Variants in MECOM observed in about 807,000 individuals in gnomAD.
MECOM encodes MDS1 and EVI1 complex locus, also known as histone-lysine N-methyltransferase MECOM.
In MECOM, 13 loss-of-function variants were observed where a neutral mutation model predicts 116.3. The ratio of observed to expected loss-of-function variants is 0.11; its 90% confidence interval spans 0.07 to 0.18. MECOM has a LOEUF of 0.18. MECOM is among the 10% of genes least tolerant of loss of function. MECOM has a pLI of 1.00. For missense variants in MECOM, 1,299 were observed against 1,509.0 expected, an observed-to-expected ratio of 0.86 and a Z score of 2.31; for synonymous variants, 528 against 535.2, an observed-to-expected ratio of 0.99 and a Z score of 0.19.
At position 169,501,119 on chromosome 3, in the gene MECOM, T is replaced by C. The variant is rs116121844; in HGVS notation, c.38-119595A>G. On this transcript the variant is annotated intron_variant, in intron 1 of 16. Coordinates refer to ENST00000651503, the MANE Select transcript of MECOM (RefSeq NM_004991.4). The stretch of plus-strand genomic sequence containing the variant: ...TACAATCAGGCCCCTCCAGATTTAA[T>C]AAAAACACTTATTTAGAAATATTAT... 8.3e-3 allele frequency among the ~76,000 whole-genome samples: 1,261 copies of C among 152,104 alleles called. 17 individuals are homozygous for C. The highest frequency in any genetic ancestry group is 0.029 in the African/African-American group (1,209 of 41,542).
intron 16 of MECOM, among the ~76,000 whole-genome samples, chr3:169,086,016 C>G (rs963676211): frequency 1.3e-5 from 2 of 152,152 alleles, no homozygotes; most frequent in African/African-American, 4.8e-5. Flanking sequence ...GACAAAATGC[C>G]TCTGTTGTTA....
intron 4 of MECOM, among the ~76,000 whole-genome samples, chr3:169,130,548 T>C (rs1427403972): frequency 8.3e-6 from 1 of 120,674 alleles, no homozygotes; most frequent in Admixed American, 1.2e-4. Flanking sequence ...AAAGGAAAAA[T>C]TGTTCAAGTA....
intron 2 of MECOM, among the ~76,000 whole-genome samples, chr3:169,238,557 A>G (rs1370495533): frequency 1.3e-5 from 2 of 152,194 alleles, no homozygotes; most frequent in Non-Finnish European, 2.9e-5. Context: ...ACCAAACCAA[A>G]AAAACCCCAC....
At chr3:169,101,572 CA>C in intron 11 of MECOM, among the ~76,000 whole-genome samples, 1 of 151,376 alleles carries the variant, frequency 6.6e-6, no homozygotes, top group South Asian at 2.1e-4. Flanking sequence ...ATTTATTTAG[CA>C]AAAAAAAATC....
intron 13 of MECOM, 131 bp from the exon 14 acceptor site, chr3:169,093,233 C>T: frequency 1.0e-6 from 1 of 952,468 alleles, no homozygotes; most frequent in Non-Finnish European, 1.5e-6. Flanking sequence ...ATAATAATAA[C>T]TTTAGAAAGT....
intron 4 of MECOM, 68 bp from the exon 5 acceptor site, chr3:169,128,128 C>T: frequency 1.5e-6 from 2 of 1,365,432 alleles, no homozygotes; most frequent in South Asian, 2.3e-5. Context: ...GCCAATCTTA[C>T]CAAATTTTAC....
At chr3:169,519,681 G>A (rs1304905514) in intron 1 of MECOM, among the ~76,000 whole-genome samples, 1 of 152,212 alleles carries the variant, frequency 6.6e-6, no homozygotes, top group Non-Finnish European at 1.5e-5. Context: ...CACTGAATCA[G>A]ATGAAACATA....
intron 2 of MECOM, among the ~76,000 whole-genome samples, chr3:169,361,470 A>T (rs999341370): frequency 6.6e-6 from 1 of 151,848 alleles, no homozygotes. Flanking sequence ...CTTTGGAAGG[A>T]TGATGGTGAT....
intron 1 of MECOM, among the ~76,000 whole-genome samples, chr3:169,433,660 A>AG (rs1742088368): frequency 7.4e-6 from 1 of 135,708 alleles, no homozygotes; most frequent in South Asian, 2.3e-4. Context: ...AAAGAAAGAA[A>AG]GAAAGAAAGA....
chr3:169,561,962 A>G (rs1029743553), intron 1 of MECOM, among the ~76,000 whole-genome samples: 3 of 151,960 alleles, frequency 2.0e-5, no homozygotes, highest in Non-Finnish European at 4.4e-5. Flanking sequence ...TCTGGCCAAC[A>G]TGGTGAAATC....
At position 169,435,031 on chromosome 3, in the gene MECOM, A is replaced by G. The variant is rs537769560; in HGVS notation, c.38-53507T>C. 5.6e-4 allele frequency among the ~76,000 whole-genome samples: 85 copies of G among 152,346 alleles called. No individual in the cohort carries two copies. The South Asian group carries it at 6.8e-3, about 12-fold the overall frequency. On this transcript the variant is annotated intron_variant, in intron 1 of 16. Coordinates refer to ENST00000651503, the MANE Select transcript of MECOM (RefSeq NM_004991.4). Reference sequence around the variant, plus strand: ...CCAAGGTTAAAACAAATAAGATGCCAAAGTTCACAATTTTAAATAAACTCA... The same window carrying G: ...CCAAGGTTAAAACAAATAAGATGCCGAAGTTCACAATTTTAAATAAACTCA...
intron 2 of MECOM, among the ~76,000 whole-genome samples, chr3:169,296,790 C>T (rs1472127855): frequency 2.6e-5 from 4 of 152,158 alleles, no homozygotes; most frequent in Admixed American, 1.3e-4. Flanking sequence ...TTCTCATACT[C>T]GTAAACATGG....
intron 1 of MECOM, among the ~76,000 whole-genome samples, chr3:169,645,072 A>G (rs1320536748): frequency 6.6e-6 from 1 of 152,208 alleles, no homozygotes; most frequent in African/African-American, 2.4e-5. Flanking sequence ...AACACAGACC[A>G]AATGTACACT....
chr3:169,293,398 C>T (rs1714987309), intron 2 of MECOM, among the ~76,000 whole-genome samples: 1 of 152,216 alleles, frequency 6.6e-6, no homozygotes, highest in African/African-American at 2.4e-5. Flanking sequence ...GCACTAGCCT[C>T]GTGTGTTTGG....
intron 3 of MECOM, among the ~76,000 whole-genome samples, chr3:169,137,678 AC>A (rs1429643089): frequency 6.6e-6 from 1 of 152,132 alleles, no homozygotes; most frequent in African/African-American, 2.4e-5. Context: ...ACTCCACGAG[AC>A]CAAGATATCT....
chr3:169,168,115 C>A (rs966880709), intron 2 of MECOM, among the ~76,000 whole-genome samples: 3 of 152,104 alleles, frequency 2.0e-5, no homozygotes, highest in Non-Finnish European at 4.4e-5. Context: ...TAGTTTTAGA[C>A]TTTTCATAAT....
At chr3:169,491,229 A>G (rs1753056365) in intron 1 of MECOM, among the ~76,000 whole-genome samples, 1 of 152,158 alleles carries the variant, frequency 6.6e-6, no homozygotes, top group Admixed American at 6.5e-5. Context: ...AGATATTGCC[A>G]CTTAGAAATC....
At chr3:169,396,832 G>C (rs956896320) in intron 1 of MECOM, among the ~76,000 whole-genome samples, 9 of 152,126 alleles carry the variant, frequency 5.9e-5, no homozygotes, top group African/African-American at 2.2e-4. Flanking sequence ...AACTAGCTGG[G>C]TGTGGTGGTG....
chr3:169,187,153 C>T (rs1017960394), intron 2 of MECOM, among the ~76,000 whole-genome samples: 2 of 152,122 alleles, frequency 1.3e-5, no homozygotes, highest in African/African-American at 4.8e-5. Context: ...GGGACTACTA[C>T]CTGGAAAATC....
Sources: gnomAD v4.1 joint callset for allele counts (sites outside exome capture counted in the v4.1 genomes callset) on GRCh38, gnomAD v4.1.1 for gene constraint, MANE v1.5 for transcripts, NCBI Gene and HGNC (gene_info 2026-07-23, HGNC 2026-07-21) for gene names.